Variants in PCDH11X observed in about 807,000 individuals in gnomAD.
PCDH11X encodes the protein protocadherin 11 X-linked.
PCDH11X carries 18 observed loss-of-function variants against 53.3 expected under a neutral mutation model. The observed-to-expected ratio is 0.34, with a 90% CI of 0.23 to 0.50. PCDH11X has a LOEUF of 0.50. Among genes scored for constraint, PCDH11X ranks in the 20% least tolerant of loss-of-function variants. PCDH11X has a pLI of 0.98. For synonymous variants in PCDH11X, 279 were observed against 393.3 expected, an observed-to-expected ratio of 0.71 and a Z score of 3.44; for missense variants, 570 against 1,032.4, an observed-to-expected ratio of 0.55 and a Z score of 6.14.
At chrX:92,342,938 A>C (rs1485529356) in intron 8 of PCDH11X, among the ~76,000 whole-genome samples, 1 of 112,337 alleles carries the variant, frequency 8.9e-6, no homozygotes, top group Non-Finnish European at 1.9e-5. Context: ...AGATGATGAA[A>C]TGATTTCTAT....
At chrX:92,472,189 C>T (rs5984959) in intron 10 of PCDH11X, among the ~76,000 whole-genome samples, 9,702 of 109,127 alleles carry the variant, frequency 0.089, 803 homozygotes, top group East Asian at 0.46. Flanking sequence ...CGCCTGTATC[C>T]GGAATGATAC....
chrX:92,366,154 CA>C (rs1363033294), intron 8 of PCDH11X, among the ~76,000 whole-genome samples: 1 of 111,515 alleles, frequency 9.0e-6, no homozygotes, highest in Admixed American at 9.5e-5. Flanking sequence ...ATTACTGCCT[CA>C]ATTTCAGAAC....
intron 8 of PCDH11X, among the ~76,000 whole-genome samples, chrX:92,269,800 C>T (rs78803077): frequency 0.07 from 7,785 of 111,394 alleles, 469 homozygotes; most frequent in East Asian, 0.27. Flanking sequence ...GGGCTCATCT[C>T]CCCGCTATTA....
intron 6 of PCDH11X, among the ~76,000 whole-genome samples, chrX:92,071,302 A>C (rs2063699003): frequency 9.0e-6 from 1 of 111,097 alleles, no homozygotes; most frequent in Admixed American, 9.7e-5. Flanking sequence ...TCAGCATGTC[A>C]GTTGCATCTT....
intron 7 of PCDH11X, among the ~76,000 whole-genome samples, chrX:92,217,646 A>G (rs1358567140): frequency 2.9e-5 from 3 of 102,329 alleles, no homozygotes; most frequent in Non-Finnish European, 6.0e-5. Flanking sequence ...CAGATCAATG[A>G]GACAGAAAGT....
rs1203015099 is a variant in PCDH11X, at chrX:92,622,237, T to G, written c.*3297T>G. ...ACAAAGAGCCTCTGCCTTCCCAAAC[T>G]AATATTTATCACACATGGTCATTAA... is the stretch of plus-strand genomic sequence containing the variant. On this transcript the variant is annotated 3_prime_UTR_variant, in exon 11 of 11. Coordinates refer to ENST00000682573, the MANE Select transcript of PCDH11X (RefSeq NM_032968.5). 1 of 103,490 alleles carries G rather than the reference T, an allele frequency of 9.7e-6. No homozygotes were observed. Among genetic ancestry groups the G allele is most frequent in the Non-Finnish European group, 2.0e-5 (1 of 50,665 alleles). The allele number at this position is 103,490 out of a possible 1,213,427, so 8.5% of individuals were successfully genotyped here.
intron 10 of PCDH11X, among the ~76,000 whole-genome samples, chrX:92,490,504 A>G (rs1424699918): frequency 9.0e-6 from 1 of 110,906 alleles, no homozygotes; most frequent in Non-Finnish European, 1.9e-5. Context: ...ATAACATGCT[A>G]CATCCTGTAT....
intron 10 of PCDH11X, among the ~76,000 whole-genome samples, chrX:92,540,829 G>A (rs953077238): frequency 4.6e-5 from 5 of 107,715 alleles, no homozygotes; most frequent in African/African-American, 1.7e-4. Context: ...TCTAGCCCAG[G>A]TTGATTCTAG....
chrX:91,884,190 CAAAAAA>C (rs34953838), intron 6 of PCDH11X, among the ~76,000 whole-genome samples: 1 of 37,753 alleles, frequency 2.6e-5, no homozygotes, highest in East Asian at 8.0e-4. Flanking sequence ...GACTCCGTCT[CAAAAAA>C]AAAAAAAAAA....
rs1336369546 is a variant in PCDH11X at position 91,876,996 on chromosome X, A to G, written c.756A>G (p.Thr252=). The G allele has an allele frequency of 8.3e-7, 1 of 1,209,499 alleles. No individual in the cohort carries two copies. Among genetic ancestry groups the G allele is most frequent in the East Asian group, 3.0e-5 (1 of 33,733 alleles). ...TNDNHPVFKE[T]EIEVSIPENA... is the part of the protein sequence containing the mutation. ...ACAACCACCCAGTCTTTAAGGAGAC[A>G]GAGATTGAAGTCAGTATACCAGAAA... Residue 252 remains threonine (T), a synonymous_variant, in exon 6 of 11, where the codon ACA becomes ACG. Transcript: ENST00000682573.
chrX:92,253,258 G>A (rs998553410), intron 7 of PCDH11X, among the ~76,000 whole-genome samples: 5 of 111,450 alleles, frequency 4.5e-5, no homozygotes, highest in African/African-American at 1.6e-4. Context: ...GTGTAGGTGT[G>A]CGGATTTGTT....
chrX:92,446,821 T>C (rs1026952531), intron 9 of PCDH11X, among the ~76,000 whole-genome samples: 4 of 110,990 alleles, frequency 3.6e-5, no homozygotes, highest in East Asian at 2.8e-4. Flanking sequence ...CAGAAGAAGA[T>C]AGGAAAATGT....
intron 8 of PCDH11X, among the ~76,000 whole-genome samples, chrX:92,275,877 C>T (rs1381607850): frequency 1.8e-5 from 2 of 109,644 alleles, no homozygotes; most frequent in Non-Finnish European, 3.8e-5. Context: ...TGATCAGTCC[C>T]GAAGGAAGGA....
chrX:92,289,520 C>T (rs1414530980), intron 8 of PCDH11X, among the ~76,000 whole-genome samples: 1 of 111,479 alleles, frequency 9.0e-6, no homozygotes, highest in East Asian at 2.8e-4. Flanking sequence ...TGAATATGAA[C>T]AAATGTACTT....
At chrX:92,550,473 T>C (rs2074934109) in intron 10 of PCDH11X, among the ~76,000 whole-genome samples, 1 of 107,590 alleles carries the variant, frequency 9.3e-6, no homozygotes, top group Non-Finnish European at 1.9e-5. Context: ...AGTAAGTATA[T>C]ATATTTATGT....
intron 6 of PCDH11X, among the ~76,000 whole-genome samples, chrX:92,047,082 T>G (rs1346774689): frequency 2.7e-5 from 2 of 74,648 alleles, no homozygotes; most frequent in Non-Finnish European, 4.3e-5. Context: ...GTTTATTTTC[T>G]CTTTAGGATA....
chrX:92,254,505 C>T (rs1046299595), intron 7 of PCDH11X, among the ~76,000 whole-genome samples: 3 of 106,141 alleles, frequency 2.8e-5, no homozygotes, highest in South Asian at 4.6e-4. Context: ...GGTTATTTTG[C>T]GCGTTAGTTG....
intron 1 of PCDH11X, among the ~76,000 whole-genome samples, chrX:91,780,613 C>G (rs1935101234): frequency 8.9e-6 from 1 of 112,629 alleles, no homozygotes; most frequent in Admixed American, 9.3e-5. Flanking sequence ...AGAAACAGTT[C>G]ACGTCCTCAC....
intron 10 of PCDH11X, among the ~76,000 whole-genome samples, chrX:92,574,894 G>C (rs1194591756): frequency 9.1e-6 from 1 of 110,413 alleles, no homozygotes; most frequent in African/African-American, 3.3e-5. Context: ...TTAACCCTTA[G>C]AAGTTTGGTT....
Sources: gnomAD v4.1 joint callset for allele counts (sites outside exome capture counted in the v4.1 genomes callset) on GRCh38, gnomAD v4.1.1 for gene constraint, MANE v1.5 for transcripts, NCBI Gene and HGNC (gene_info 2026-07-23, HGNC 2026-07-21) for gene names.